Variants in TSNARE1 observed in about 807,000 individuals in gnomAD.
TSNARE1 encodes t-SNARE domain containing 1.
In TSNARE1, 49 loss-of-function variants were observed where a neutral mutation model predicts 62.0. The ratio of observed to expected loss-of-function variants is 0.79; its 90% CI spans 0.63 to 1.00. The LOEUF is 1.00. Among genes scored for constraint, TSNARE1 ranks in the 50% least tolerant of loss-of-function variants. The pLI is 0.00. For synonymous variants in TSNARE1, 328 were observed against 294.4 expected, an observed-to-expected ratio of 1.11 and a Z score of -1.17; for missense variants, 755 against 700.1, an observed-to-expected ratio of 1.08 and a Z score of -0.88.
intron 1 of TSNARE1, among the ~76,000 whole-genome samples, chr8:142,385,428 T>G (rs1164969585): frequency 6.6e-6 from 1 of 152,230 alleles, no homozygotes; most frequent in African/African-American, 2.4e-5. Context: ...TCAATGAGCA[T>G]GAACTATTAA....
intron 9 of TSNARE1, among the ~76,000 whole-genome samples, chr8:142,312,208 G>A (rs1375325479): frequency 6.6e-6 from 1 of 152,178 alleles, no homozygotes; most frequent in Non-Finnish European, 1.5e-5. Context: ...GAGCATTTTG[G>A]ATTTTGGAGT....
intron 4 of TSNARE1, among the ~76,000 whole-genome samples, chr8:142,332,833 G>C (rs1206883941): frequency 6.6e-6 from 1 of 152,192 alleles, no homozygotes; most frequent in Non-Finnish European, 1.5e-5. Context: ...TTTACACAGA[G>C]GAGCAGAGCG....
At chr8:142,227,698 T>A (rs1269855401) in intron 13 of TSNARE1, among the ~76,000 whole-genome samples, 1 of 152,260 alleles carries the variant, frequency 6.6e-6, no homozygotes. Flanking sequence ...ACGAGCTGAC[T>A]GGGGAGACCC....
chr8:142,286,054 A>G (rs548571129), intron 10 of TSNARE1, among the ~76,000 whole-genome samples: 1 of 152,210 alleles, frequency 6.6e-6, no homozygotes, highest in South Asian at 2.1e-4. Flanking sequence ...CACCGACCAG[A>G]TGCCCACTCC....
chr8:142,260,972 G>GAGA (rs1818831127), intron 12 of TSNARE1, among the ~76,000 whole-genome samples: 1 of 2,332 alleles, frequency 4.3e-4, no homozygotes, highest in Non-Finnish European at 1.6e-3. Flanking sequence ...CAGTCAGGGA[G>GAGA]GGAGGGAGGG....
chr8:142,350,965 C>G (rs1233147814), intron 2 of TSNARE1, among the ~76,000 whole-genome samples: 1 of 152,244 alleles, frequency 6.6e-6, no homozygotes, highest in Non-Finnish European at 1.5e-5. Context: ...AGGCCGTCGG[C>G]CACTTCAACT....
intron 13 of TSNARE1, among the ~76,000 whole-genome samples, chr8:142,229,133 G>GTGGATAGATGGATTGACAGTGGGTGGA: frequency 6.6e-6 from 1 of 151,450 alleles, no homozygotes; most frequent in East Asian, 2.0e-4. Context: ...TGGATGGTGG[G>GTGGATAGATGGATTGACAGTGGGTGGA]TGGATAGATG....
At chr8:142,378,910 G>A (rs1052354177) in intron 1 of TSNARE1, among the ~76,000 whole-genome samples, 2 of 152,178 alleles carry the variant, frequency 1.3e-5, no homozygotes, top group African/African-American at 2.4e-5. Context: ...GAGGCCCCGG[G>A]TGGCGCACCC....
At chr8:142,400,682 C>T (rs7015620) in intron 1 of TSNARE1, among the ~76,000 whole-genome samples, 125,288 of 152,230 alleles carry the variant, frequency 0.82, 51,639 homozygotes, top group Middle Eastern at 0.85. Flanking sequence ...AAGAAGAAGA[C>T]AGCCTAACCC....
intron 12 of TSNARE1, among the ~76,000 whole-genome samples, chr8:142,252,339 G>A (rs1364052657): frequency 1.3e-5 from 2 of 152,200 alleles, no homozygotes; most frequent in Non-Finnish European, 2.9e-5. Context: ...CAGGGCACTG[G>A]CTCTGTCCTG....
At chr8:142,357,951 C>T (rs1834874358) in intron 1 of TSNARE1, among the ~76,000 whole-genome samples, 1 of 151,908 alleles carries the variant, frequency 6.6e-6, no homozygotes, top group African/African-American at 2.4e-5. Context: ...CTGCAAAGGG[C>T]GGCGGGGTCT....
intron 9 of TSNARE1, among the ~76,000 whole-genome samples, chr8:142,308,762 A>G (rs569892054): frequency 3.4e-4 from 52 of 152,140 alleles, no homozygotes; most frequent in Non-Finnish European, 5.3e-4. Flanking sequence ...TTCCATATAC[A>G]TTTTGGAATC....
intron 13 of TSNARE1, among the ~76,000 whole-genome samples, chr8:142,213,931 C>A (rs1477934553): frequency 6.6e-6 from 1 of 151,434 alleles, no homozygotes; most frequent in Non-Finnish European, 1.5e-5. Flanking sequence ...AAAAGGCACC[C>A]GGTGCTGTGG....
At chr8:142,228,105 G>T (rs143251718) in intron 13 of TSNARE1, among the ~76,000 whole-genome samples, 91 of 152,312 alleles carry the variant, frequency 6.0e-4, no homozygotes, top group Middle Eastern at 6.8e-3. Flanking sequence ...GGATCCTTCA[G>T]CCGCAGTTGA....
At chr8:142,327,165 A>G (rs1436959084) in intron 6 of TSNARE1, among the ~76,000 whole-genome samples, 1 of 152,202 alleles carries the variant, frequency 6.6e-6, no homozygotes, top group East Asian at 1.9e-4. Context: ...CCTACCGCAA[A>G]CATTCACCGC....
intron 12 of TSNARE1, chr8:142,271,818 G>A (rs967770725): frequency 2.4e-5 from 14 of 575,186 alleles, no homozygotes; most frequent in Non-Finnish European, 3.7e-5. Flanking sequence ...GTCTCACGAT[G>A]CTCCGTCTGC....
rs1433576677 is a variant in TSNARE1 at position 142,222,206 on chromosome 8, TCATCCGC to T, written c.*11+7260_*11+7266del. Among the ~76,000 whole-genome samples, 103 of 59,182 alleles carry T rather than the reference TCATCCGC, an allele frequency of 1.7e-3. 8 individuals are homozygous for T. Among genetic ancestry groups the T allele is most frequent in the African/African-American group, 6.6e-3 (96 of 14,604 alleles). The allele number at this position is 59,182 out of a possible 152,430, so 38.8% of individuals were successfully genotyped here. A position where few individuals can be genotyped will look rare whatever the true frequency, so the allele number is the denominator to read the frequency against. On this transcript the variant is annotated intron_variant, in intron 13 of 13. Coordinates refer to ENST00000524325, the MANE Select transcript of TSNARE1 (RefSeq NM_145003.5). ...TCCACTCACTCATTCACTCACTCAC[TCATCCGC>T]TCATTCACTCACTCATCCACTCATT...
In TSNARE1 at chr8:142,344,186, G is replaced by C; in HGVS notation, c.525C>G (p.Gly175=). The part of the protein sequence containing the change: ...SRILQAVNAL[G]YCRRDVVDLK... ...GGTCCACAACGTCGCGGCGACAGTA[G>C]CCCAGCGCATTCACGGCCTGCAGGA... Residue 175 remains glycine, a synonymous_variant, in exon 4 of 14, where the codon GGC becomes GGG. Transcript: ENST00000524325. 6.2e-7 allele frequency: 1 copy of C among 1,613,496 alleles called. No individual in the cohort carries two copies. The highest frequency in any genetic ancestry group is 8.5e-7 in the Non-Finnish European group (1 of 1,179,896).
At chr8:142,270,168 G>T in intron 12 of TSNARE1, 4 of 985,444 alleles carry the variant, frequency 4.1e-6, no homozygotes, top group Non-Finnish European at 3.6e-6. Context: ...AGGCTGGGGG[G>T]CTGCAGACTG....
Sources: gnomAD v4.1 joint callset for allele counts (sites outside exome capture counted in the v4.1 genomes callset) on GRCh38, gnomAD v4.1.1 for gene constraint, MANE v1.5 for transcripts, NCBI Gene and HGNC (gene_info 2026-07-23, HGNC 2026-07-21) for gene names.